Variants in PDZRN4 observed in about 807,000 individuals in gnomAD.
PDZRN4 encodes PDZ domain-containing RING finger protein 4.
A neutral mutation model predicts 99.0 loss-of-function variants in PDZRN4; 70 were observed. The observed-to-expected ratio is 0.71, with a 90% CI of 0.58 to 0.86. The LOEUF is 0.86. PDZRN4 is among the 40% of genes least tolerant of loss of function. The pLI is 0.00. For synonymous variants in PDZRN4, 551 were observed against 501.6 expected (o/e 1.10, Z -1.32); for missense variants, 1,474 against 1,331.2 (o/e 1.11, Z -1.67).
chr12:41,284,839 C>T (rs546660387), intron 3 of PDZRN4, among the ~76,000 whole-genome samples: 1 of 152,026 alleles, frequency 6.6e-6, no homozygotes, highest in Non-Finnish European at 1.5e-5. Flanking sequence ...CTTGCTTACA[C>T]CTTATACAAA....
chr12:41,313,481 G>A (rs1704603932), intron 3 of PDZRN4, among the ~76,000 whole-genome samples: 1 of 152,170 alleles, frequency 6.6e-6, no homozygotes, highest in African/African-American at 2.4e-5. Flanking sequence ...GACCCACGTG[G>A]GTCATTCTGC....
At chr12:41,459,070 G>A (rs1952846581) in intron 3 of PDZRN4, among the ~76,000 whole-genome samples, 1 of 151,864 alleles carries the variant, frequency 6.6e-6, no homozygotes, top group African/African-American at 2.4e-5. Flanking sequence ...TTGTAGACTA[G>A]TAGAAGAATG....
chr12:41,228,571 C>T (rs1951010738), intron 3 of PDZRN4, among the ~76,000 whole-genome samples: 1 of 152,044 alleles, frequency 6.6e-6, no homozygotes, highest in African/African-American at 2.4e-5. Flanking sequence ...GGTTAAGGAT[C>T]CCAGGAGAAT....
chr12:41,411,067 A>ATATATATATATATATATT (rs34064559), intron 3 of PDZRN4, among the ~76,000 whole-genome samples: 3 of 140,434 alleles, frequency 2.1e-5, no homozygotes, highest in African/African-American at 8.0e-5. Flanking sequence ...ATATATATAT[A>ATATATATATATATATATT]TTTTTTTTTT....
intron 5 of PDZRN4, among the ~76,000 whole-genome samples, chr12:41,531,984 A>G (rs890411138): frequency 1.4e-4 from 21 of 152,070 alleles, no homozygotes; most frequent in Non-Finnish European, 2.8e-4. Flanking sequence ...TGATTCTTCT[A>G]TCTAGTCTAA....
chr12:41,412,264 C>T (rs1326159839), intron 3 of PDZRN4: 1 of 152,132 alleles, frequency 6.6e-6, no homozygotes, highest in Non-Finnish European at 1.5e-5. Flanking sequence ...TGTTTCACAT[C>T]CAGTCGTGTC....
intron 3 of PDZRN4, among the ~76,000 whole-genome samples, chr12:41,196,997 C>T (rs960320199): frequency 6.6e-6 from 1 of 151,838 alleles, no homozygotes; most frequent in Non-Finnish European, 1.5e-5. Context: ...ATCCGTATGA[C>T]TTATGCACAA....
At chr12:41,469,209 C>T (rs1952962029) in intron 3 of PDZRN4, among the ~76,000 whole-genome samples, 1 of 152,000 alleles carries the variant, frequency 6.6e-6, no homozygotes, top group Non-Finnish European at 1.5e-5. Context: ...CATTATTTTG[C>T]TTGAATAGCC....
intron 5 of PDZRN4, among the ~76,000 whole-genome samples, chr12:41,519,680 C>A (rs540221134): frequency 4.6e-5 from 7 of 152,136 alleles, no homozygotes; most frequent in African/African-American, 1.7e-4. Flanking sequence ...GGTCTTAGCC[C>A]ACCAAGTCTG....
chr12:41,536,983 C>T (rs1296360652), intron 5 of PDZRN4, among the ~76,000 whole-genome samples: 5 of 152,102 alleles, frequency 3.3e-5, no homozygotes, highest in African/African-American at 1.2e-4. Context: ...CTCCTTGAAT[C>T]GTTGTTTCCT....
At chr12:41,293,866 C>A (rs1354298707) in intron 3 of PDZRN4, among the ~76,000 whole-genome samples, 1 of 152,014 alleles carries the variant, frequency 6.6e-6, no homozygotes, top group Non-Finnish European at 1.5e-5. Context: ...AAAATAAAGC[C>A]AATAAAACAA....
At chr12:41,534,924 T>C (rs116798176) in intron 5 of PDZRN4, among the ~76,000 whole-genome samples, 2,956 of 152,230 alleles carry the variant, frequency 0.019, 83 homozygotes, top group African/African-American at 0.064. Context: ...TTTTATTTCT[T>C]TGTGTCTTTG....
At chr12:41,420,321 T>C (rs1225542693) in intron 3 of PDZRN4, among the ~76,000 whole-genome samples, 2 of 152,214 alleles carry the variant, frequency 1.3e-5, no homozygotes, top group African/African-American at 4.8e-5. Context: ...CTCTTCTTTC[T>C]TGAACTCATT....
At chr12:41,470,426 C>T (rs1952976046) in intron 3 of PDZRN4, among the ~76,000 whole-genome samples, 1 of 151,962 alleles carries the variant, frequency 6.6e-6, no homozygotes, top group African/African-American at 2.4e-5. Flanking sequence ...GGGACACCTT[C>T]CTCCATATGA....
At chr12:41,207,820 G>C (rs75832783) in intron 3 of PDZRN4, among the ~76,000 whole-genome samples, 1,765 of 151,882 alleles carry the variant, frequency 0.012, 54 homozygotes, top group East Asian at 0.1. Context: ...AGGAAATATG[G>C]CTGGTTAATA....
At chr12:41,390,908 G>T (rs1952206290) in intron 3 of PDZRN4, among the ~76,000 whole-genome samples, 1 of 152,146 alleles carries the variant, frequency 6.6e-6, no homozygotes, top group East Asian at 1.9e-4. Flanking sequence ...AGTCCTAGAT[G>T]TAGGAAGAAA....
At chr12:41,427,874 G>T (rs1952550763) in intron 3 of PDZRN4, among the ~76,000 whole-genome samples, 1 of 152,128 alleles carries the variant, frequency 6.6e-6, no homozygotes, top group African/African-American at 2.4e-5. Context: ...GATCACCTGA[G>T]GTCAGGAGTT....
chr12:41,429,295 A>G (rs1952565495), intron 3 of PDZRN4, among the ~76,000 whole-genome samples: 1 of 152,192 alleles, frequency 6.6e-6, no homozygotes, highest in Non-Finnish European at 1.5e-5. Flanking sequence ...CTACCATAAT[A>G]ACTACCAAGA....
At chr12:41,509,743 A>G (rs1938274245) in intron 4 of PDZRN4, 68 bp from the exon 5 acceptor site, 1 of 733,048 alleles carries the variant, frequency 1.4e-6, no homozygotes, top group Non-Finnish European at 2.3e-6. Flanking sequence ...GTGAAATTCT[A>G]AAATCAGTTT....
Sources: allele counts gnomAD v4.1 joint callset (sites outside exome capture counted in the v4.1 genomes callset), GRCh38; gene constraint gnomAD v4.1.1; transcripts MANE v1.5; gene names NCBI Gene and HGNC (gene_info 2026-07-23, HGNC 2026-07-21).